Variants in RNF115 observed in about 807,000 individuals in gnomAD.
RNF115 encodes ring finger protein 115, also known as E3 ubiquitin-protein ligase RNF115.
In RNF115, 31 loss-of-function variants were observed where a neutral mutation model predicts 39.2. The observed-to-expected ratio is 0.79, with a 90% confidence interval of 0.59 to 1.07. The LOEUF (loss-of-function observed/expected upper bound fraction) is 1.07. RNF115 is among the 50% of genes least tolerant of loss of function. The pLI is 0.00. For missense variants in RNF115, 384 were observed against 381.7 expected (o/e 1.01, Z -0.05); for synonymous variants, 124 against 131.0 (o/e 0.95, Z 0.37).
chr1:145,775,764 G>A (rs910266659), intron 3 of RNF115, among the ~76,000 whole-genome samples: 64 of 152,098 alleles, frequency 4.2e-4, no homozygotes, highest in African/African-American at 1.5e-3. Context: ...AGGCTAAGGC[G>A]GTGGGGGGGA....
At chr1:145,808,611 T>A (rs1553721985) in intron 1 of RNF115, among the ~76,000 whole-genome samples, 2 of 152,218 alleles carry the variant, frequency 1.3e-5, no homozygotes, top group Non-Finnish European at 2.9e-5. Flanking sequence ...TAATTTGCTG[T>A]TTGCCTTTTA....
At chr1:145,794,502 CT>C (rs57242475) in intron 1 of RNF115, among the ~76,000 whole-genome samples, 66 of 81,114 alleles carry the variant, frequency 8.1e-4, no homozygotes, top group East Asian at 1.7e-3. Context: ...TAATCTCTTT[CT>C]TTTTTTTTTT....
rs963074088 is a variant in RNF115, at chr1:145,742,551, T to G, written c.*4315A>C. 1.3e-5 allele frequency: 2 copies of G among 152,140 alleles called. No homozygotes were observed. Among genetic ancestry groups the G allele is most frequent in the African/African-American group, 4.8e-5 (2 of 41,410 alleles). 9.4% of individuals were successfully genotyped at this position (152,140 alleles called of 1,614,324 possible). On this transcript the variant is annotated 3_prime_UTR_variant, in exon 9 of 9. Transcript: ENST00000582693. Reference sequence around the variant, plus strand: ...CTCAGGGAAACAAAGACCCTAAAGGTTATGTACAATGAGAGAATCAGACTG... The same window carrying G: ...CTCAGGGAAACAAAGACCCTAAAGGGTATGTACAATGAGAGAATCAGACTG...
chr1:145,751,604 TCA>T lies in RNF115; in HGVS notation c.501-96_501-95del, dbSNP rs1658093285. ...ATTGGCAGAGGGATCCTGTTCTCTC[TCA>T]GAGCTGGAAAGTCACTAGTCCTCCA... is the stretch of plus-strand genomic sequence containing the variant. On this transcript the variant is annotated intron_variant, in intron 5 of 8. Transcript: ENST00000582693. 6.7e-6 allele frequency: 5 copies of T among 749,426 alleles called. No homozygotes were observed. The East Asian group carries it at 1.4e-4, about 22-fold the overall frequency. 46.4% of individuals were successfully genotyped at this position (749,426 alleles called of 1,614,324 possible).
chr1:145,749,827 A>G (rs11799942), intron 7 of RNF115, among the ~76,000 whole-genome samples: 127,252 of 152,128 alleles, frequency 0.84, 53,472 homozygotes, highest in African/African-American at 0.9. Context: ...GACCTAAGAT[A>G]GCCCACCTTG....
At chr1:145,767,095 CG>C (rs1559111386) in intron 4 of RNF115, among the ~76,000 whole-genome samples, 1 of 147,714 alleles carries the variant, frequency 6.8e-6, no homozygotes, top group African/African-American at 2.5e-5. Flanking sequence ...CCTTCCCGGA[CG>C]GGGCGGCTGG....
intron 1 of RNF115, among the ~76,000 whole-genome samples, chr1:145,821,517 T>A (rs1570705088): frequency 1.2e-5 from 1 of 83,954 alleles, no homozygotes; most frequent in Non-Finnish European, 2.9e-5. Context: ...CAGGCTGGAG[T>A]GCAATGGTGC....
At chr1:145,748,676 G>C (rs1657965824) in intron 7 of RNF115, among the ~76,000 whole-genome samples, 4 of 152,036 alleles carry the variant, frequency 2.6e-5, no homozygotes, top group Admixed American at 2.6e-4. Flanking sequence ...ACGAGGTCAG[G>C]AGTTCAAGAC....
Position 145,753,042 on chromosome 1 carries a change from G to A in RNF115, c.436C>T (p.Gln146Ter). The A allele has an allele frequency of 6.2e-7, 1 of 1,607,104 alleles. No individual in the cohort carries two copies. Among genetic ancestry groups the A allele is most frequent in the Non-Finnish European group, 8.5e-7 (1 of 1,173,900 alleles). ...DRSPAIEGIL[Q>*]HIFAGFFANS... The stretch of plus-strand genomic sequence containing the variant: ...GCAAAGAATCCTGCAAAGATGTGTT[G>A]TAGTATTCTGTTACAGAAGAAAAAA... Residue 146 changes from glutamine (Q) to a stop codon, truncating the protein, a stop_gained, in exon 5 of 9, where the codon CAA (glutamine) becomes TAA (stop). Coordinates refer to ENST00000582693, the MANE Select transcript of RNF115 (RefSeq NM_014455.4). LOFTEE classifies it high-confidence loss of function.
intron 3 of RNF115, among the ~76,000 whole-genome samples, chr1:145,774,970 G>C (rs1412192054): frequency 1.3e-5 from 2 of 152,090 alleles, no homozygotes; most frequent in African/African-American, 4.8e-5. Flanking sequence ...AAACAGGCTG[G>C]GCACAGTGGC....
Position 145,746,717 on chromosome 1 carries a change from T to C in RNF115, c.*149A>G, listed in dbSNP as rs1553711787. On this transcript the variant is annotated 3_prime_UTR_variant, in exon 9 of 9. Coordinates refer to ENST00000582693, the MANE Select transcript of RNF115 (RefSeq NM_014455.4). ...TCCATCTGTAGATACTAACTTTAAA[T>C]TTAAAGAAGAAAAACATTCATTGCA... 1.3e-6 allele frequency: 1 copy of C among 774,632 alleles called. No individual in the cohort carries two copies. The highest frequency in any genetic ancestry group is 1.8e-5 in the African/African-American group (1 of 57,036). The allele number at this position is 774,632 out of a possible 1,614,324, so 48.0% of individuals were successfully genotyped here.
chr1:145,776,164 A>T lies in RNF115; in HGVS notation c.220-4245T>A, dbSNP rs1044926108. The stretch of plus-strand genomic sequence containing the variant: ...TACATTTACCCCTACTCTGACCAAC[A>T]TTTTTTTTTTTTTTTTTTGAGAAGG... On this transcript the variant is annotated intron_variant, in intron 3 of 8. Coordinates refer to ENST00000582693, the MANE Select transcript of RNF115 (RefSeq NM_014455.4). Among the ~76,000 whole-genome samples, 20 of 121,770 alleles carry T rather than the reference A, an allele frequency of 1.6e-4. 1 individual carries two copies. The highest frequency in any genetic ancestry group is 8.3e-4 in the South Asian group (3 of 3,636). The allele number at this position is 121,770 out of a possible 152,430, so 79.9% of individuals were successfully genotyped here.
chr1:145,788,133 T>C (rs781789428), intron 2 of RNF115, among the ~76,000 whole-genome samples: 77 of 152,146 alleles, frequency 5.1e-4, no homozygotes, highest in Non-Finnish European at 1.0e-3. Flanking sequence ...TCACTCTTGT[T>C]GCCCAGGCTG....
At chr1:145,789,113 T>C (rs1310046992) in intron 1 of RNF115, 147 bp from the exon 2 acceptor site, 11 of 580,556 alleles carry the variant, frequency 1.9e-5, no homozygotes, top group African/African-American at 1.3e-4. Flanking sequence ...TTTTTTTTTT[T>C]CTTTTGTGAG....
At chr1:145,751,052 C>T (rs782583554) in intron 6 of RNF115, among the ~76,000 whole-genome samples, 3 of 152,180 alleles carry the variant, frequency 2.0e-5, no homozygotes, top group Admixed American at 6.5e-5. Flanking sequence ...TTTTTCTCTG[C>T]TTCCTTCCCC....
chr1:145,795,154 G>C (rs1648911989), intron 1 of RNF115, among the ~76,000 whole-genome samples: 1 of 152,056 alleles, frequency 6.6e-6, no homozygotes, highest in African/African-American at 2.4e-5. Flanking sequence ...TTCGCAGGGA[G>C]TGTTACAGCT....
intron 4 of RNF115, among the ~76,000 whole-genome samples, chr1:145,754,584 G>A (rs587734398): frequency 1.1e-4 from 17 of 152,064 alleles, no homozygotes; most frequent in African/African-American, 3.9e-4. Flanking sequence ...TAATCCGCCC[G>A]CCTTGGCCTC....
intron 1 of RNF115, among the ~76,000 whole-genome samples, chr1:145,791,010 C>T (rs771298859): frequency 6.6e-6 from 1 of 151,798 alleles, no homozygotes; most frequent in Non-Finnish European, 1.5e-5. Flanking sequence ...GGTGTGGTGG[C>T]GTGTGCCTGT....
At chr1:145,756,649 G>T (rs1413568602) in intron 4 of RNF115, among the ~76,000 whole-genome samples, 3 of 152,050 alleles carry the variant, frequency 2.0e-5, no homozygotes, top group African/African-American at 7.2e-5. Flanking sequence ...GGTGTCAGTA[G>T]GGTTAGTTCC....
Sources: allele counts gnomAD v4.1 joint callset (sites outside exome capture counted in the v4.1 genomes callset), GRCh38; gene constraint gnomAD v4.1.1; transcripts MANE v1.5; gene names NCBI Gene and HGNC (gene_info 2026-07-23, HGNC 2026-07-21).